PTPRN2: variants seen among roughly 807,000 people sequenced by gnomAD.
PTPRN2 encodes the protein receptor-type tyrosine-protein phosphatase N2.
A neutral mutation model predicts 118.8 loss-of-function variants in PTPRN2; 74 were observed. The observed-to-expected ratio is 0.62, with a 90% confidence interval of 0.52 to 0.76. PTPRN2 has a LOEUF of 0.76. Among genes scored for constraint, PTPRN2 ranks in the 30% least tolerant of loss-of-function variants. The pLI, the probability that PTPRN2 is intolerant of heterozygous loss-of-function variation, is 0.00. For missense variants in PTPRN2, 1,481 were observed against 1,394.4 expected (o/e 1.06, Z -0.99); for synonymous variants, 641 against 608.0 (o/e 1.05, Z -0.80).
chr7:158,378,067 A>C (rs7787866), intron 2 of PTPRN2, among the ~76,000 whole-genome samples: 147,595 of 152,268 alleles, frequency 0.97, 71,532 homozygotes, highest in East Asian at 1. Flanking sequence ...CAGGTCCTGG[A>C]CCTGGCTCCG....
intron 2 of PTPRN2, among the ~76,000 whole-genome samples, chr7:158,410,082 A>C (rs1395342585): frequency 6.6e-6 from 1 of 152,188 alleles, no homozygotes; most frequent in African/African-American, 2.4e-5. Context: ...GGCTGCAGGC[A>C]GACCTGGAGT....
chr7:158,142,210 G>A (rs1271592268), intron 6 of PTPRN2, among the ~76,000 whole-genome samples: 6 of 152,150 alleles, frequency 3.9e-5, no homozygotes, highest in Non-Finnish European at 7.3e-5. Context: ...CGGAGCCCAC[G>A]CCCGCCTCCG....
At position 158,338,667 on chromosome 7, in the gene PTPRN2, C is replaced by A. The variant is rs1378923881; in HGVS notation, c.164-21735G>T. Reference sequence around the variant, plus strand: ...AAAGCTGATGCCTGCAGACGTCACTCACGTACACAGTTCTCACCATAAGAG... The same window carrying A: ...AAAGCTGATGCCTGCAGACGTCACTAACGTACACAGTTCTCACCATAAGAG... On this transcript the variant is annotated intron_variant, in intron 2 of 22. Coordinates refer to ENST00000389418, the MANE Select transcript of PTPRN2 (RefSeq NM_002847.5). Among the ~76,000 whole-genome samples the A allele has an allele frequency of 1.1e-4, 3 of 26,894 alleles. 1 individual carries two copies. The highest frequency in any genetic ancestry group is 9.9e-4 in the Admixed American group (3 of 3,044). 17.6% of individuals were successfully genotyped at this position (26,894 alleles called of 152,430 possible). A position where few individuals can be genotyped will look rare whatever the true frequency, so the allele number is the denominator to read the frequency against.
At chr7:158,436,770 A>G (rs1205027555) in intron 2 of PTPRN2, among the ~76,000 whole-genome samples, 1 of 152,190 alleles carries the variant, frequency 6.6e-6, no homozygotes, top group Non-Finnish European at 1.5e-5. Flanking sequence ...TGGTGAAACA[A>G]TTCATCAATA....
Position 158,202,503 on chromosome 7 carries a change from C to G in PTPRN2, c.380+2668G>C, listed in dbSNP as rs549526537. On this transcript the variant is annotated intron_variant, in intron 4 of 22. Coordinates refer to ENST00000389418, the MANE Select transcript of PTPRN2 (RefSeq NM_002847.5). ...GGGAACATGCCCAGACTCCTCTGCC[C>G]TCCATGCTGGGTGCAGCTTGTTCCA... Among the ~76,000 whole-genome samples, 4 of 152,290 alleles carry G rather than the reference C, an allele frequency of 2.6e-5. No homozygotes were observed. The South Asian group carries it at 6.2e-4, about 24-fold the overall frequency.
At chr7:157,693,139 C>T (rs1455928128) in intron 12 of PTPRN2, among the ~76,000 whole-genome samples, 3 of 151,544 alleles carry the variant, frequency 2.0e-5, no homozygotes, top group East Asian at 2.0e-4. Flanking sequence ...GAGGGGAAGA[C>T]AGCGGAGAGA....
intron 11 of PTPRN2, among the ~76,000 whole-genome samples, chr7:158,058,830 C>T (rs1231591660): frequency 2.8e-3 from 338 of 120,876 alleles, no homozygotes; most frequent in Admixed American, 0.017. Flanking sequence ...AGCCACACTC[C>T]ATCTGCACAC....
chr7:158,085,638 C>A (rs1813313934), intron 10 of PTPRN2, among the ~76,000 whole-genome samples: 1 of 128,074 alleles, frequency 7.8e-6, no homozygotes, highest in Non-Finnish European at 1.6e-5. Flanking sequence ...CGACGCCCAT[C>A]CACACAGATA....
At chr7:158,161,178 G>A (rs537847009) in intron 6 of PTPRN2, among the ~76,000 whole-genome samples, 7 of 152,264 alleles carry the variant, frequency 4.6e-5, no homozygotes, top group African/African-American at 9.6e-5. Flanking sequence ...TGAAATCCCA[G>A]TCAAAATCCC....
chr7:157,971,690 GGAAA>G (rs1182908592), intron 11 of PTPRN2, among the ~76,000 whole-genome samples: 1 of 151,848 alleles, frequency 6.6e-6, no homozygotes, highest in Non-Finnish European at 1.5e-5. Flanking sequence ...AAAAAAAGTG[GGAAA>G]GAAAGAAAGA....
chr7:158,141,391 A>G (rs1202253072), intron 6 of PTPRN2, among the ~76,000 whole-genome samples: 1 of 152,108 alleles, frequency 6.6e-6, no homozygotes, highest in Non-Finnish European at 1.5e-5. Context: ...GGCTGTGTCT[A>G]GTCCATGCCG....
Position 158,077,248 on chromosome 7 carries a change from C to T in PTPRN2, c.1723+4050G>A, listed in dbSNP as rs749023742. On this transcript the variant is annotated intron_variant, in intron 11 of 22. Coordinates refer to ENST00000389418, the MANE Select transcript of PTPRN2 (RefSeq NM_002847.5). ...CCATGTGGACCCGCTACATATGAGA[C>T]GTGAAACACAGACAGCAGCACAGCA... 3.3e-5 allele frequency among the ~76,000 whole-genome samples: 5 copies of T among 152,120 alleles called. No individual in the cohort carries two copies. The East Asian group carries it at 5.8e-4, about 18-fold the overall frequency.
At chr7:158,375,329 C>T (rs980671995) in intron 2 of PTPRN2, among the ~76,000 whole-genome samples, 1 of 152,208 alleles carries the variant, frequency 6.6e-6, no homozygotes, top group African/African-American at 2.4e-5. Flanking sequence ...ACCCAGGACA[C>T]AGGCATAGTC....
intron 15 of PTPRN2, 99 bp from the exon 16 acceptor site, chr7:157,604,174 C>A (rs971236541): frequency 1.2e-5 from 13 of 1,073,646 alleles, no homozygotes; most frequent in Non-Finnish European, 1.7e-5. Flanking sequence ...CAGCACAGGA[C>A]CCCTGCCCAG....
At chr7:157,639,493 G>A (rs915202318) in intron 14 of PTPRN2, among the ~76,000 whole-genome samples, 2 of 152,222 alleles carry the variant, frequency 1.3e-5, no homozygotes, top group African/African-American at 2.4e-5. Flanking sequence ...AACCTGAAGT[G>A]TCTTCCTCCA....
intron 2 of PTPRN2, among the ~76,000 whole-genome samples, chr7:158,445,515 T>C (rs1203153201): frequency 6.6e-6 from 1 of 152,192 alleles, no homozygotes; most frequent in Non-Finnish European, 1.5e-5. Context: ...CCGCGGCCTC[T>C]CGGGAACAGG....
At chr7:158,200,704 C>T (rs1826577439) in intron 4 of PTPRN2, among the ~76,000 whole-genome samples, 1 of 152,128 alleles carries the variant, frequency 6.6e-6, no homozygotes, top group Non-Finnish European at 1.5e-5. Flanking sequence ...TGAACAAAGT[C>T]ACATTCTGAC....
chr7:158,046,302 C>T lies in PTPRN2; in HGVS notation c.1723+34996G>A, dbSNP rs373065829. Among the ~76,000 whole-genome samples, 30 of 144,868 alleles carry T rather than the reference C, an allele frequency of 2.1e-4. No homozygotes were observed. In the South Asian group the frequency reaches 4.1e-3, roughly 20 times the overall value. ...AGAAACTGCGATCCTGGCATCCTGA[C>T]GCTGCGATCCTGGCATCCTGACACT... On this transcript the variant is annotated intron_variant, in intron 11 of 22. Coordinates refer to ENST00000389418, the MANE Select transcript of PTPRN2 (RefSeq NM_002847.5).
At chr7:158,344,426 C>T (rs1454675948) in intron 2 of PTPRN2, among the ~76,000 whole-genome samples, 2 of 152,148 alleles carry the variant, frequency 1.3e-5, no homozygotes, top group African/African-American at 2.4e-5. Context: ...GGCAGCTCCT[C>T]GACCAAACTG....
Sources: gnomAD v4.1 joint callset for allele counts (sites outside exome capture counted in the v4.1 genomes callset) on GRCh38, gnomAD v4.1.1 for gene constraint, MANE v1.5 for transcripts, NCBI Gene and HGNC (gene_info 2026-07-23, HGNC 2026-07-21) for gene names.